The following KLKB1 variants were observed in gnomAD, a reference collection of about 807,000 sequenced individuals.
KLKB1 encodes kallikrein B1, also known as plasma kallikrein.
In KLKB1, 58 loss-of-function variants were observed where a neutral mutation model predicts 73.6. The ratio of observed to expected loss-of-function variants is 0.79; its 90% confidence interval spans 0.64 to 0.98. The LOEUF (loss-of-function observed/expected upper bound fraction) is 0.98, where lower values mean the gene tolerates loss of function less well. KLKB1 is among the 50% of genes least tolerant of loss of function. The probability of loss-of-function intolerance (pLI) is 0.00; values close to 1 mark genes in which losing one functional copy is unlikely to be tolerated. For synonymous variants in KLKB1, 280 were observed against 258.1 expected, an observed-to-expected ratio of 1.08 and a Z score of -0.81; for missense variants, 737 against 763.8, an observed-to-expected ratio of 0.96 and a Z score of 0.41.
chr4:186,221,133 G>A (rs1220140683), intron 2 of KLKB1, among the ~76,000 whole-genome samples: 2 of 151,836 alleles, frequency 1.3e-5, no homozygotes, highest in Admixed American at 6.6e-5. Flanking sequence ...CTGTATTTCT[G>A]TGGTATCCAT....
chr4:186,223,365 G>A (rs1227267675), upstream of KLKB1, among the ~76,000 whole-genome samples: 4 of 152,162 alleles, frequency 2.6e-5, no homozygotes, highest in Non-Finnish European at 5.9e-5. Flanking sequence ...GGAAGATGTG[G>A]GAAAGTTTGA....
At chr4:186,229,060 A>G (rs1330618686) in intron 2 of KLKB1, 1 of 151,788 alleles carries the variant, frequency 6.6e-6, no homozygotes, top group African/African-American at 2.4e-5. Flanking sequence ...CTAAATCACA[A>G]CTCCCCTGTG....
chr4:186,251,883 T>G, intron 10 of KLKB1, 22 bp downstream of exon 10: 11 of 1,603,148 alleles, frequency 6.9e-6, no homozygotes, highest in Non-Finnish European at 6.8e-6. Context: ...CACTTTTTCG[T>G]GGACCTGTCA....
rs139868564 is a variant in KLKB1 at position 186,254,917 on chromosome 4, C to T, written c.1489+154C>T. Among the ~76,000 whole-genome samples the T allele has an allele frequency of 1.0e-3, 157 of 152,224 alleles. 2 individuals are homozygous for T. The East Asian group carries it at 0.016, about 15-fold the overall frequency. On this transcript the variant is annotated intron_variant, in intron 12 of 14. Transcript: ENST00000264690. ...GAGGGTTGCTGGGAAGTGAAGACCC[C>T]GCGACTTGCCGTGAAATCTCTTCTA... is the stretch of plus-strand genomic sequence containing the variant.
At chr4:186,257,425 T>C (rs1315420609) in intron 14 of KLKB1, 60 bp downstream of exon 14, 5 of 1,440,104 alleles carry the variant, frequency 3.5e-6, no homozygotes, top group Non-Finnish European at 3.8e-6. Context: ...TTTCAAAATA[T>C]ATTTTCCAAT....
At chr4:186,241,685 A>G (rs1217745838) in intron 6 of KLKB1, among the ~76,000 whole-genome samples, 1 of 152,064 alleles carries the variant, frequency 6.6e-6, no homozygotes, top group Non-Finnish European at 1.5e-5. Context: ...CATAAATTGG[A>G]AAAAAAAGGT....
At chr4:186,237,450 T>C (rs1206468599) in intron 5 of KLKB1, among the ~76,000 whole-genome samples, 4 of 152,080 alleles carry the variant, frequency 2.6e-5, no homozygotes, top group Non-Finnish European at 5.9e-5. Flanking sequence ...TCTACTCTTT[T>C]CCCCTGGCAT....
chr4:186,214,449 T>G (rs1736830883), intron 2 of KLKB1, among the ~76,000 whole-genome samples: 1 of 152,236 alleles, frequency 6.6e-6, no homozygotes, highest in Admixed American at 6.5e-5. Flanking sequence ...ATCTTAGGTC[T>G]TCACCCTATT....
In KLKB1 at chr4:186,251,775, T is replaced by G. The variant is rs569188180; in HGVS notation, c.1058T>G (p.Met353Arg). ...EKCKCFLRLS[M>R]DGSPTRIAYG... The stretch of plus-strand genomic sequence containing the variant: ...TGTAAGTGTTTCTTAAGATTATCTA[T>G]GGATGGTTCTCCAACTAGGATTGCG... The change falls in exon 10 of 15, where the codon ATG becomes AGG. Residue 353 changes from methionine (M) to arginine (R), a missense_variant. Met to Arg is a moderately conservative substitution (Grantham distance 91). Transcript: ENST00000264690. The G allele has an allele frequency of 4.3e-6, 7 of 1,613,866 alleles. No homozygotes were observed. The African/African-American group carries it at 9.3e-5, about 22-fold the overall frequency.
intron 6 of KLKB1, among the ~76,000 whole-genome samples, chr4:186,249,385 C>A (rs1370246526): frequency 2.0e-5 from 3 of 152,144 alleles, no homozygotes; most frequent in Non-Finnish European, 4.4e-5. Flanking sequence ...TTCAGTTATT[C>A]CATTGTCTTG....
chr4:186,223,056 G>A (rs570081227), upstream of KLKB1, among the ~76,000 whole-genome samples: 1 of 151,954 alleles, frequency 6.6e-6, no homozygotes, highest in South Asian at 2.1e-4. Flanking sequence ...GTGCGCACAT[G>A]CTCTCTCTCT....
intron 14 of KLKB1, 28 bp from the exon 15 acceptor site, chr4:186,257,993 A>G (rs2126682689): frequency 6.2e-7 from 1 of 1,605,604 alleles, no homozygotes; most frequent in East Asian, 2.2e-5. Context: ...GTAACTTTCT[A>G]CTATTTTATT....
chr4:186,250,337 C>T lies in KLKB1; in HGVS notation c.693C>T (p.Cys231=). 1.2e-6 allele frequency: 2 copies of T among 1,614,102 alleles called. No individual in the cohort carries two copies. Among genetic ancestry groups the T allele is most frequent in the South Asian group, 1.1e-5 (1 of 91,076 alleles). ...ATGCTTTTGTGTGTCGGACCATCTGCACCTATCACCCCAACTGCCTCTTCT... is the reference window on the plus strand; with the variant it reads ...ATGCTTTTGTGTGTCGGACCATCTGTACCTATCACCCCAACTGCCTCTTCT... ...TPDAFVCRTI[C]TYHPNCLFFT... Residue 231 remains cysteine (C), a synonymous_variant, in exon 7 of 15, where the codon TGC becomes TGT. Transcript: ENST00000264690.
At chr4:186,252,301 G>A (rs1738725625) in intron 11 of KLKB1, 116 bp downstream of exon 11, 4 of 1,135,262 alleles carry the variant, frequency 3.5e-6, no homozygotes, top group African/African-American at 1.5e-5. Flanking sequence ...TTAAAGCGGG[G>A]ATGGTATTCA....
At chr4:186,244,499 G>A (rs1738223127) in intron 6 of KLKB1, among the ~76,000 whole-genome samples, 2 of 152,200 alleles carry the variant, frequency 1.3e-5, no homozygotes, top group Non-Finnish European at 2.9e-5. Flanking sequence ...TACAGCCCAA[G>A]TAAGTTGCTG....
At chr4:186,239,300 T>C (rs186267631) in intron 6 of KLKB1, among the ~76,000 whole-genome samples, 4 of 100,028 alleles carry the variant, frequency 4.0e-5, no homozygotes, top group Non-Finnish European at 7.9e-5. Flanking sequence ...GATACTGTTA[T>C]AGTTATAGGA....
At chr4:186,248,418 T>C (rs928869982) in intron 6 of KLKB1, among the ~76,000 whole-genome samples, 1 of 152,216 alleles carries the variant, frequency 6.6e-6, no homozygotes. Context: ...AATGGAATCA[T>C]GCAATGCAGC....
rs145900260 is a variant in KLKB1 at position 186,210,873 on chromosome 4, G to A, written c.201+1601G>A. ...TTTTGAAACCGTGTCTCACTCTGTC[G>A]CCCAGGCTGGAGGAGTGCAGTGGTG... On this transcript the variant is annotated intron_variant, in intron 2 of 14. Coordinates refer to the KLKB1 transcript ENST00000511608. 5.6e-4 allele frequency: 260 copies of A among 463,050 alleles called. 2 individuals are homozygous for A. The highest frequency in any genetic ancestry group is 7.4e-4 in the Non-Finnish European group (193 of 261,920). The allele number at this position is 463,050 out of a possible 1,614,324, so 28.7% of individuals were successfully genotyped here.
In KLKB1 at chr4:186,252,198, T is replaced by G. The variant is rs777898386; in HGVS notation, c.1313+13T>G. The stretch of plus-strand genomic sequence containing the variant: ...ACTGCTTTGATGGGTAAGTGTTGGA[T>G]GCATCTCATCCAGAGTCTTATCTTG... On this transcript the variant is annotated intron_variant, in intron 11 of 14. Transcript: ENST00000264690. The G allele has an allele frequency of 2.5e-6, 4 of 1,612,994 alleles. No individual in the cohort carries two copies. Among genetic ancestry groups the G allele is most frequent in the Admixed American group, 1.7e-5 (1 of 60,028 alleles).
Sources: gnomAD v4.1 joint callset for allele counts (sites outside exome capture counted in the v4.1 genomes callset) on GRCh38, gnomAD v4.1.1 for gene constraint, MANE v1.5 for transcripts, NCBI Gene and HGNC (gene_info 2026-07-23, HGNC 2026-07-21) for gene names.